Variants in COPG2 observed in about 807,000 individuals in gnomAD.
COPG2 encodes the protein coatomer subunit gamma-2.
A neutral mutation model predicts 46.3 loss-of-function variants in COPG2; 37 were observed. That is an observed-to-expected ratio of 0.80 (90% CI 0.61 to 1.05). The LOEUF (loss-of-function observed/expected upper bound fraction) is 1.05. COPG2 is among the 50% of genes least tolerant of loss of function. The pLI is 0.00. For missense variants in COPG2, 427 were observed against 387.8 expected, an observed-to-expected ratio of 1.10 and a Z score of -0.85; for synonymous variants, 159 against 129.7, an observed-to-expected ratio of 1.23 and a Z score of -1.53.
chr7:130,640,754 C>T (rs1270487654), intron 5 of COPG2, among the ~76,000 whole-genome samples: 1 of 152,190 alleles, frequency 6.6e-6, no homozygotes, highest in African/African-American at 2.4e-5. Context: ...ACACACCTTT[C>T]TCCACTTCTG....
intron 1 of COPG2, among the ~76,000 whole-genome samples, chr7:130,668,365 G>A (rs1240487120): frequency 4.0e-5 from 6 of 150,532 alleles, no homozygotes; most frequent in South Asian, 4.1e-4. Context: ...GGCTCGGAGG[G>A]GCTGCGCCGC....
At position 130,506,577 on chromosome 7, in the gene COPG2, A is replaced by G. The variant is rs530172596; in HGVS notation, c.*99T>C. 34 of 527,712 alleles carry G rather than the reference A, an allele frequency of 6.4e-5. No homozygotes were observed. The highest frequency in any genetic ancestry group is 5.7e-4 in the African/African-American group (29 of 51,048). 32.7% of individuals were successfully genotyped at this position (527,712 alleles called of 1,614,324 possible). ...ATGTTTAATTTGCTTCTCCAAAGTCATTCATCTTCAAAAGTCTGATTCTGG... is the reference window on the plus strand; with the variant it reads ...ATGTTTAATTTGCTTCTCCAAAGTCGTTCATCTTCAAAAGTCTGATTCTGG... On this transcript the variant is annotated 3_prime_UTR_variant, in exon 24 of 24. Coordinates refer to ENST00000425248, the MANE Select transcript of COPG2 (RefSeq NM_012133.6).
rs782569453 is a variant in COPG2, at chr7:130,667,527, G to A, written c.45C>T (p.Gly15=). Residue 15 remains glycine (G), a synonymous_variant, in exon 2 of 24, where the codon GGC becomes GGT. Transcript: ENST00000425248. ...TCTCCAGATGCTGGAAAGGATTGGA[G>A]CCACTACCTATTTATAAAACAAAAC... The part of the protein sequence containing the change: ...FDKKDEESGS[G]SNPFQHLEKS... 43 of 1,613,130 alleles carry A rather than the reference G, an allele frequency of 2.7e-5. No homozygotes were observed. The highest frequency in any genetic ancestry group is 8.5e-6 in the Non-Finnish European group (10 of 1,179,440).
intron 4 of COPG2, among the ~76,000 whole-genome samples, chr7:130,653,615 A>T (rs1470035130): frequency 6.6e-6 from 1 of 152,186 alleles, no homozygotes; most frequent in African/African-American, 2.4e-5. Flanking sequence ...CCCCGACTCA[A>T]CTGGATCTCT....
intron 20 of COPG2, among the ~76,000 whole-genome samples, chr7:130,536,206 G>C (rs1799877795): frequency 6.6e-6 from 1 of 152,098 alleles, no homozygotes; most frequent in Non-Finnish European, 1.5e-5. Context: ...ACAATGAGGT[G>C]GTTCCAAGTG....
Position 130,547,976 on chromosome 7 carries a change from T to G in COPG2, c.1978-131A>C, listed in dbSNP as rs1449229382. The G allele has an allele frequency of 7.6e-6, 3 of 397,244 alleles. No homozygotes were observed. The Admixed American group carries it at 1.3e-4, about 17-fold the overall frequency. The allele number at this position is 397,244 out of a possible 1,614,324, so 24.6% of individuals were successfully genotyped here. A position where few individuals can be genotyped will look rare whatever the true frequency, so the allele number is the denominator to read the frequency against. ...AGCAGGGTAGGTCTCCTCCTAAGAT[T>G]CTTCTTTTGGCAACAGGGAGAGCCT... is the stretch of plus-strand genomic sequence containing the variant. On this transcript the variant is annotated intron_variant, in intron 19 of 23. Coordinates refer to ENST00000425248, the MANE Select transcript of COPG2 (RefSeq NM_012133.6).
rs1030386946 is a variant in COPG2 at position 130,516,571 on chromosome 7, T to C, written c.2150-7912A>G. Reference sequence around the variant, plus strand: ...AGAAGGAGAGAACAAAAGATGGAGGTTGGATGCTAAATAGGGAAAGAGAAC... The same window carrying C: ...AGAAGGAGAGAACAAAAGATGGAGGCTGGATGCTAAATAGGGAAAGAGAAC... On this transcript the variant is annotated intron_variant, in intron 20 of 23. Coordinates refer to ENST00000425248, the MANE Select transcript of COPG2 (RefSeq NM_012133.6). Among the ~76,000 whole-genome samples, 238 of 151,432 alleles carry C rather than the reference T, an allele frequency of 1.6e-3. 1 individual carries two copies. Among genetic ancestry groups the C allele is most frequent in the Admixed American group, 9.8e-3 (149 of 15,220 alleles).
chr7:130,595,913 G>C (rs1794519463), intron 9 of COPG2, among the ~76,000 whole-genome samples: 1 of 152,166 alleles, frequency 6.6e-6, no homozygotes, highest in Non-Finnish European at 1.5e-5. Flanking sequence ...GCCTTAATTG[G>C]AGTCTTCTCG....
chr7:130,577,767 CAAAA>C (rs782674348), intron 9 of COPG2, among the ~76,000 whole-genome samples: 1 of 78,148 alleles, frequency 1.3e-5, no homozygotes, highest in Admixed American at 1.4e-4. Flanking sequence ...GACTCCGTCT[CAAAA>C]AAAAAAAAAA....
In COPG2 at chr7:130,666,831, A is replaced by T; in HGVS notation, c.171+18T>A. 1 of 1,171,458 alleles carries T rather than the reference A, an allele frequency of 8.5e-7. No homozygotes were observed. The allele number at this position is 1,171,458 out of a possible 1,614,324, so 72.6% of individuals were successfully genotyped here. A position where few individuals can be genotyped will look rare whatever the true frequency, so the allele number is the denominator to read the frequency against. ...TATTCCAGGACACACTTATCTGAGG[A>T]AAATAAAAATAATATACCTGGTTCA... On this transcript the variant is annotated intron_variant, in intron 3 of 23. Transcript: ENST00000425248.
At chr7:130,638,977 G>C (rs1554456813) in intron 5 of COPG2, among the ~76,000 whole-genome samples, 1 of 152,176 alleles carries the variant, frequency 6.6e-6, no homozygotes, top group African/African-American at 2.4e-5. Flanking sequence ...CCTTGGCTAG[G>C]GGAGGGAGTT....
At chr7:130,649,423 G>GTTAT (rs1795686573) in intron 5 of COPG2, among the ~76,000 whole-genome samples, 1 of 152,098 alleles carries the variant, frequency 6.6e-6, no homozygotes, top group African/African-American at 2.4e-5. Context: ...AAAGAAACTA[G>GTTAT]GCCATAACTA....
chr7:130,549,853 G>T (rs938616380), intron 17 of COPG2, among the ~76,000 whole-genome samples: 24,772 of 151,530 alleles, frequency 0.16, 3,931 homozygotes, highest in African/African-American at 0.41. Context: ...TATGATTGTC[G>T]CCCATAAATT....
At chr7:130,646,995 ATGTG>A (rs1363629272) in intron 5 of COPG2, among the ~76,000 whole-genome samples, 1 of 38,494 alleles carries the variant, frequency 2.6e-5, no homozygotes, top group African/African-American at 5.4e-5. Context: ...ATATATATAT[ATGTG>A]TATATATATA....
chr7:130,653,006 T>G, intron 4 of COPG2, 58 bp from the exon 5 acceptor site: 1 of 1,165,186 alleles, frequency 8.6e-7, no homozygotes, highest in South Asian at 1.4e-5. Flanking sequence ...TTTTTTAAAT[T>G]ATTTGAAGTG....
intron 7 of COPG2, among the ~76,000 whole-genome samples, 159 bp downstream of exon 7, chr7:130,613,385 T>C (rs939824402): frequency 6.6e-6 from 1 of 151,842 alleles, no homozygotes; most frequent in African/African-American, 2.4e-5. Flanking sequence ...AGCCCTGGGG[T>C]GGGGACCCCT....
At chr7:130,545,496 TG>T (rs1793425628) in intron 20 of COPG2, among the ~76,000 whole-genome samples, 1 of 152,146 alleles carries the variant, frequency 6.6e-6, no homozygotes, top group East Asian at 1.9e-4. Flanking sequence ...AAGGAATGGG[TG>T]AAAGATACCT....
At chr7:130,651,800 G>T (rs935248851) in intron 5 of COPG2, among the ~76,000 whole-genome samples, 2 of 151,996 alleles carry the variant, frequency 1.3e-5, no homozygotes, top group Non-Finnish European at 2.9e-5. Flanking sequence ...ACAGGTGTGA[G>T]CCACCGCGCC....
chr7:130,663,912 G>A (rs1796026922), intron 3 of COPG2, among the ~76,000 whole-genome samples: 1 of 151,328 alleles, frequency 6.6e-6, no homozygotes, highest in African/African-American at 2.4e-5. Context: ...CTAATTTTTT[G>A]TTATCTTTAG....
Sources: allele counts gnomAD v4.1 joint callset (sites outside exome capture counted in the v4.1 genomes callset), GRCh38; gene constraint gnomAD v4.1.1; transcripts MANE v1.5; gene names NCBI Gene and HGNC (gene_info 2026-07-23, HGNC 2026-07-21).